The following MYT1L variants were observed in gnomAD, a reference collection of about 807,000 sequenced individuals.
MYT1L encodes myelin transcription factor 1 like, also known as myelin transcription factor 1-like protein.
Under a neutral mutation model 126.7 loss-of-function variants are expected in MYT1L, and 12 were observed. The ratio of observed to expected loss-of-function variants is 0.09; its 90% CI spans 0.06 to 0.15. The LOEUF (loss-of-function observed/expected upper bound fraction) is 0.15, where lower values mean the gene tolerates loss of function less well. Ranked by LOEUF, MYT1L falls within the 10% of genes least tolerant of loss-of-function variation. MYT1L has a pLI of 1.00. For synonymous variants in MYT1L, 541 were observed against 604.2 expected, an observed-to-expected ratio of 0.90 and a Z score of 1.53; for missense variants, 979 against 1,585.2, an observed-to-expected ratio of 0.62 and a Z score of 6.49.
rs1318635143 is a variant in MYT1L, at chr2:2,059,659, G to C, written c.-303-5536C>G. Reference sequence around the variant, plus strand: ...ACATTTCTATGAAAAATTTCTCTCTGAAAGTCCTTAATTATGTCTGCGTCG... The same window carrying C: ...ACATTTCTATGAAAAATTTCTCTCTCAAAGTCCTTAATTATGTCTGCGTCG... On this transcript the variant is annotated intron_variant, in intron 3 of 24. Transcript: ENST00000647738. This position sits in a 1 kb window ranked among gnomAD's most constrained non-coding sequence, Gnocchi z 4.7. 6.6e-6 allele frequency among the ~76,000 whole-genome samples: 1 copy of C among 152,122 alleles called. No individual in the cohort carries two copies. The highest frequency in any genetic ancestry group is 6.5e-5 in the Admixed American group (1 of 15,274).
intron 21 of MYT1L, chr2:1,816,430 C>A (rs1022951435): frequency 6.6e-6 from 1 of 152,586 alleles, no homozygotes; most frequent in Non-Finnish European, 1.5e-5. Context: ...CCGGTGGGCA[C>A]CCCCAGAGGA....
intron 1 of MYT1L, among the ~76,000 whole-genome samples, chr2:2,328,769 A>G (rs1381292933): frequency 1.3e-5 from 2 of 152,210 alleles, no homozygotes; most frequent in African/African-American, 2.4e-5. Flanking sequence ...AACTATACAT[A>G]TATACAAGTA....
At chr2:2,074,989 CATAA>C (rs2075057500) in intron 3 of MYT1L, among the ~76,000 whole-genome samples, 2 of 152,186 alleles carry the variant, frequency 1.3e-5, no homozygotes, top group Admixed American at 1.3e-4. Context: ...CAACCTTACA[CATAA>C]ATAAATAAGG....
intron 1 of MYT1L, among the ~76,000 whole-genome samples, chr2:2,302,308 G>A (rs954041965): frequency 2.0e-5 from 3 of 152,214 alleles, no homozygotes; most frequent in African/African-American, 7.2e-5. Context: ...TTATTAGTCA[G>A]TGAATGCTGT....
intron 3 of MYT1L, among the ~76,000 whole-genome samples, chr2:2,081,512 A>C (rs1293780791): frequency 6.6e-6 from 1 of 152,014 alleles, no homozygotes; most frequent in African/African-American, 2.4e-5. Context: ...AAATTAATAT[A>C]CTCTATTCTA....
chr2:2,182,952 C>T (rs534498071), intron 2 of MYT1L, among the ~76,000 whole-genome samples: 1 of 152,236 alleles, frequency 6.6e-6, no homozygotes, highest in East Asian at 1.9e-4. Context: ...AACAGGGATG[C>T]CCACAGTGCT....
chr2:1,955,225 C>T (rs979628405), intron 8 of MYT1L, among the ~76,000 whole-genome samples: 6 of 150,938 alleles, frequency 4.0e-5, no homozygotes, highest in African/African-American at 1.2e-4. Context: ...AAAAAAATGG[C>T]TAAAGATGCC....
chr2:2,046,411 C>T (rs116659934), intron 4 of MYT1L, among the ~76,000 whole-genome samples: 1,540 of 152,304 alleles, frequency 0.01, 13 homozygotes, highest in Middle Eastern at 0.034. Flanking sequence ...TCACCAGTCT[C>T]CTATGGATGA....
intron 8 of MYT1L, among the ~76,000 whole-genome samples, chr2:1,970,657 C>T (rs2059745827): frequency 6.6e-6 from 1 of 152,196 alleles, no homozygotes; most frequent in African/African-American, 2.4e-5. Context: ...GGGCCACTGT[C>T]ACATCAGGAC....
chr2:2,073,311 C>A (rs939536928), intron 3 of MYT1L, among the ~76,000 whole-genome samples: 2 of 151,394 alleles, frequency 1.3e-5, no homozygotes, highest in African/African-American at 4.9e-5. Flanking sequence ...CTGCCCCCAA[C>A]TTTCTCTCAC....
intron 9 of MYT1L, among the ~76,000 whole-genome samples, chr2:1,927,392 A>C (rs1442708238): frequency 6.6e-6 from 1 of 152,258 alleles, no homozygotes; most frequent in African/African-American, 2.4e-5. Context: ...TATGCTCCAT[A>C]GTTACAATTA....
rs557519526 is a variant in MYT1L at position 2,270,365 on chromosome 2, A to G, written c.-421+14039T>C. Among the ~76,000 whole-genome samples the G allele has an allele frequency of 7.9e-5, 12 of 152,250 alleles. No homozygotes were observed. The East Asian group carries it at 2.3e-3, about 29-fold the overall frequency. ...GAGAGCTGCCTGCATCTGCCTCATC[A>G]CATTCCTTTAGTCATGAGCTTGCTG... On this transcript the variant is annotated intron_variant, in intron 2 of 24. Coordinates refer to ENST00000647738, the MANE Select transcript of MYT1L (RefSeq NM_001303052.2).
At position 2,063,421 on chromosome 2, in the gene MYT1L, C is replaced by T. The variant is rs577332127; in HGVS notation, c.-303-9298G>A. On this transcript the variant is annotated intron_variant, in intron 3 of 24. Coordinates refer to ENST00000647738, the MANE Select transcript of MYT1L (RefSeq NM_001303052.2). ...CTCCTGGAAACCCTTTTCACATGGG[C>T]GGGGCCTTCTGACCTGTCGGGGGTC... Among the ~76,000 whole-genome samples, 13 of 152,202 alleles carry T rather than the reference C, an allele frequency of 8.5e-5. 1 individual carries two copies. The East Asian group carries it at 2.1e-3, about 25-fold the overall frequency.
At chr2:1,800,407 G>C (rs1403406982) in intron 23 of MYT1L, 2 of 152,420 alleles carry the variant, frequency 1.3e-5, no homozygotes, top group East Asian at 3.9e-4. Flanking sequence ...CCAGGTCTGT[G>C]AGATCAAGGC....
intron 8 of MYT1L, among the ~76,000 whole-genome samples, chr2:1,947,659 C>T (rs909427324): frequency 3.9e-5 from 6 of 152,210 alleles, no homozygotes; most frequent in African/African-American, 1.4e-4. Flanking sequence ...GCTGCCATGG[C>T]TCCTACTCCA....
At chr2:1,824,006 C>A (rs1031367800) in intron 21 of MYT1L, among the ~76,000 whole-genome samples, 2 of 151,204 alleles carry the variant, frequency 1.3e-5, no homozygotes, top group Non-Finnish European at 2.9e-5. Flanking sequence ...CCTCCCCCCC[C>A]AGCGGGGCCG....
intron 4 of MYT1L, among the ~76,000 whole-genome samples, chr2:2,008,851 T>C (rs1246201108): frequency 6.6e-6 from 1 of 152,166 alleles, no homozygotes; most frequent in Admixed American, 6.5e-5. Context: ...GAGTTATTAT[T>C]ATTTTTTTTA....
chr2:1,994,392 C>A (rs1309890435), intron 5 of MYT1L, among the ~76,000 whole-genome samples: 18 of 151,854 alleles, frequency 1.2e-4, no homozygotes, highest in Non-Finnish European at 1.5e-5. Context: ...CTCCTCCCAG[C>A]GAGTCCTCCT....
chr2:2,263,382 G>A (rs535280730), intron 2 of MYT1L, among the ~76,000 whole-genome samples: 5 of 152,066 alleles, frequency 3.3e-5, no homozygotes, highest in South Asian at 2.1e-4. Context: ...TGCAAAACCC[G>A]GTCGCAGAAT....
Sources: allele counts gnomAD v4.1 joint callset (sites outside exome capture counted in the v4.1 genomes callset), GRCh38; gene constraint gnomAD v4.1.1; non-coding constraint Gnocchi (gnomAD v3.1); transcripts MANE v1.5; gene names NCBI Gene and HGNC (gene_info 2026-07-23, HGNC 2026-07-21).